The following FRMD3 variants were observed in gnomAD, a reference collection of about 807,000 sequenced individuals.
FRMD3 encodes the protein FERM domain containing 3.
FRMD3 carries 33 observed loss-of-function variants against 70.2 expected under a neutral mutation model. The ratio of observed to expected loss-of-function variants is 0.47; its 90% CI spans 0.36 to 0.63. FRMD3 has a LOEUF of 0.63. Among genes scored for constraint, FRMD3 ranks in the 20% least tolerant of loss-of-function variants. FRMD3 has a pLI of 0.00. For missense variants in FRMD3, 632 were observed against 711.4 expected (o/e 0.89, Z 1.27); for synonymous variants, 279 against 255.9 (o/e 1.09, Z -0.86).
At chr9:83,295,114 A>G (rs949022067) in intron 12 of FRMD3, among the ~76,000 whole-genome samples, 2 of 152,250 alleles carry the variant, frequency 1.3e-5, no homozygotes, top group Non-Finnish European at 2.9e-5. Flanking sequence ...GTTGTCATTA[A>G]GAACTCTATT....
chr9:83,429,582 C>T (rs72745070), intron 1 of FRMD3, among the ~76,000 whole-genome samples: 10,215 of 152,192 alleles, frequency 0.067, 408 homozygotes, highest in East Asian at 0.16. Flanking sequence ...CACGTCCTTG[C>T]CACCTTCTCA....
At chr9:83,434,239 T>A (rs1827065395) in intron 1 of FRMD3, among the ~76,000 whole-genome samples, 2 of 152,182 alleles carry the variant, frequency 1.3e-5, no homozygotes, top group Admixed American at 1.3e-4. Context: ...CTGATGGAGT[T>A]TGAGGTCACT....
chr9:83,477,658 G>A (rs1241692825), intron 1 of FRMD3, among the ~76,000 whole-genome samples: 3 of 152,098 alleles, frequency 2.0e-5, no homozygotes, highest in Non-Finnish European at 4.4e-5. Flanking sequence ...CATCCCCTAG[G>A]ATTATTTGAT....
intron 12 of FRMD3, among the ~76,000 whole-genome samples, chr9:83,298,389 G>A (rs996567567): frequency 3.3e-5 from 5 of 152,160 alleles, no homozygotes; most frequent in Non-Finnish European, 5.9e-5. Flanking sequence ...CAATGGGAAC[G>A]GGCCAAATAT....
rs1206167476 is a variant in FRMD3, at chr9:83,309,477, CAT to C, written c.926+57_926+58del. On this transcript the variant is annotated intron_variant, in intron 10 of 13. Transcript: ENST00000304195. ...AATAAATATGCAGCCATTTGCAAAACATAAAGAATTCCATGGGTGCTTTTAAA... is the reference window on the plus strand; with the variant it reads ...AATAAATATGCAGCCATTTGCAAAACAAAGAATTCCATGGGTGCTTTTAAA... 21 of 1,013,734 alleles carry C rather than the reference CAT, an allele frequency of 2.1e-5. 1 individual carries two copies. The Admixed American group carries it at 4.1e-4, about 20-fold the overall frequency. The allele number at this position is 1,013,734 out of a possible 1,614,324, so 62.8% of individuals were successfully genotyped here.
chr9:83,500,954 G>T (rs997218593), intron 1 of FRMD3, among the ~76,000 whole-genome samples: 1 of 152,152 alleles, frequency 6.6e-6, no homozygotes, highest in Non-Finnish European at 1.5e-5. Context: ...GCCTAGAAGG[G>T]CTGGCTCTAC....
chr9:83,313,605 C>G (rs1835447817), intron 7 of FRMD3, 55 bp downstream of exon 7: 1 of 1,407,448 alleles, frequency 7.1e-7, no homozygotes, highest in Non-Finnish European at 1.0e-6. Flanking sequence ...CACAGATAAA[C>G]TCTCTTTTGG....
rs1353070115 is a variant in FRMD3, at chr9:83,248,408, A to AT, written c.1303dup (p.Ile435AsnfsTer10). On this transcript the variant is annotated frameshift_variant, in exon 14 of 14. Transcript: ENST00000304195. LOFTEE classifies it high-confidence loss of function. ...AGAGATGGTTAAAGGTTCTTCTTTT[A>AT]TTTTATCTTCCTCTTCACTAGGGGG... 1 of 1,613,978 alleles carries AT rather than the reference A, an allele frequency of 6.2e-7. No individual in the cohort carries two copies. The highest frequency in any genetic ancestry group is 8.5e-7 in the Non-Finnish European group (1 of 1,180,016).
chr9:83,285,139 G>A (rs938509098), intron 13 of FRMD3, among the ~76,000 whole-genome samples: 1 of 152,138 alleles, frequency 6.6e-6, no homozygotes, highest in African/African-American at 2.4e-5. Flanking sequence ...TATGGTTAGG[G>A]CAAGACACTG....
chr9:83,322,567 G>A (rs1178308637), intron 6 of FRMD3, among the ~76,000 whole-genome samples: 1 of 152,188 alleles, frequency 6.6e-6, no homozygotes, highest in African/African-American at 2.4e-5. Context: ...TTGCCCAGCA[G>A]AGGCCACTGT....
Position 83,247,753 on chromosome 9 carries a change from A to T in FRMD3, c.*165T>A. On this transcript the variant is annotated 3_prime_UTR_variant, in exon 14 of 14. Transcript: ENST00000304195. Reference sequence around the variant, plus strand: ...AAATAACTGTATTTGATTTAAACTTATTTAAGTGCAGTGAATTATGGAAAG... The same window carrying T: ...AAATAACTGTATTTGATTTAAACTTTTTTAAGTGCAGTGAATTATGGAAAG... 1.4e-6 allele frequency: 2 copies of T among 1,463,550 alleles called. No individual in the cohort carries two copies. Among genetic ancestry groups the T allele is most frequent in the Non-Finnish European group, 1.8e-6 (2 of 1,111,612 alleles). 90.7% of individuals were successfully genotyped at this position (1,463,550 alleles called of 1,614,324 possible). A position where few individuals can be genotyped will look rare whatever the true frequency, so the allele number is the denominator to read the frequency against.
At chr9:83,571,631 C>G in the FRMD3 span, among the ~76,000 whole-genome samples, 1 of 152,194 alleles carries the variant, frequency 6.6e-6, no homozygotes, top group Non-Finnish European at 1.5e-5. Context: ...CTAGCTAAGA[C>G]AGAAATTATA....
At chr9:83,277,512 A>G (rs1294781457) in intron 13 of FRMD3, among the ~76,000 whole-genome samples, 1 of 152,114 alleles carries the variant, frequency 6.6e-6, no homozygotes, top group Non-Finnish European at 1.5e-5. Flanking sequence ...CTACAGGCAC[A>G]TGCCATTACC....
intron 1 of FRMD3, among the ~76,000 whole-genome samples, chr9:83,415,813 A>G (rs1826424345): frequency 6.6e-6 from 1 of 151,754 alleles, no homozygotes; most frequent in African/African-American, 2.4e-5. Context: ...GTAATTTGTG[A>G]AGCAGAAGGA....
intron 1 of FRMD3, among the ~76,000 whole-genome samples, chr9:83,429,747 ATT>A: frequency 6.6e-6 from 1 of 151,896 alleles, no homozygotes; most frequent in South Asian, 2.1e-4. Flanking sequence ...TCTCTCTTGG[ATT>A]CCATTTTGCC....
At chr9:83,441,257 G>GT (rs1482642601) in intron 1 of FRMD3, among the ~76,000 whole-genome samples, 19 of 152,118 alleles carry the variant, frequency 1.2e-4, no homozygotes, top group African/African-American at 4.3e-4. Context: ...TGTGAATTTT[G>GT]TTTTTGTTAT....
At chr9:83,328,684 G>C (rs1032272904) in intron 6 of FRMD3, among the ~76,000 whole-genome samples, 29 of 152,214 alleles carry the variant, frequency 1.9e-4, no homozygotes, top group African/African-American at 7.0e-4. Context: ...GGAGACCCCA[G>C]CTTGGGGATG....
chr9:83,418,160 G>A (rs751111465), intron 1 of FRMD3, among the ~76,000 whole-genome samples: 21 of 152,000 alleles, frequency 1.4e-4, no homozygotes, highest in Non-Finnish European at 7.4e-5. Context: ...ACATATTCAC[G>A]AAGCTAAGGG....
intron 6 of FRMD3, among the ~76,000 whole-genome samples, chr9:83,324,812 C>G (rs1277900289): frequency 6.6e-6 from 1 of 152,184 alleles, no homozygotes; most frequent in Non-Finnish European, 1.5e-5. Flanking sequence ...GATTATTGCT[C>G]AAGGTCAATT....
Sources: gnomAD v4.1 joint callset for allele counts (sites outside exome capture counted in the v4.1 genomes callset) on GRCh38, gnomAD v4.1.1 for gene constraint, MANE v1.5 for transcripts, NCBI Gene and HGNC (gene_info 2026-07-23, HGNC 2026-07-21) for gene names.